ROR1: variants seen among roughly 807,000 people sequenced by gnomAD.
The protein encoded by ROR1 is ROR family WNT receptor 1.
A neutral mutation model predicts 78.8 loss-of-function variants in ROR1; 19 were observed. The observed-to-expected ratio is 0.24, with a 90% CI of 0.17 to 0.35. ROR1 has a LOEUF of 0.35. Among genes scored for constraint, ROR1 ranks in the 10% least tolerant of loss-of-function variants. The probability of loss-of-function intolerance (pLI) is 1.00; values close to 1 mark genes in which losing one functional copy is unlikely to be tolerated. For synonymous variants in ROR1, 386 were observed against 433.6 expected, an observed-to-expected ratio of 0.89 and a Z score of 1.36; for missense variants, 917 against 1,177.8, an observed-to-expected ratio of 0.78 and a Z score of 3.24.
chr1:63,982,873 A>G (rs1349608325), intron 1 of ROR1, among the ~76,000 whole-genome samples: 1 of 152,148 alleles, frequency 6.6e-6, no homozygotes, highest in African/African-American at 2.4e-5. Context: ...AACCTGGAAA[A>G]TAATTTAATC....
intron 1 of ROR1, among the ~76,000 whole-genome samples, chr1:63,781,341 T>C (rs1457097039): frequency 6.6e-6 from 1 of 152,222 alleles, no homozygotes; most frequent in Non-Finnish European, 1.5e-5. Flanking sequence ...GAGTTTGGAC[T>C]TCTGATCCTA....
chr1:64,138,339 A>T (rs1179256564), intron 5 of ROR1, among the ~76,000 whole-genome samples: 1 of 152,228 alleles, frequency 6.6e-6, no homozygotes, highest in Non-Finnish European at 1.5e-5. Context: ...ATAATTTTTT[A>T]GTATAAGTAT....
intron 1 of ROR1, among the ~76,000 whole-genome samples, chr1:63,852,497 T>G (rs1479122654): frequency 6.6e-6 from 1 of 152,226 alleles, no homozygotes; most frequent in African/African-American, 2.4e-5. Context: ...TTGGAAAAGC[T>G]CAGAGAGGTG....
chr1:64,024,138 T>C (rs1646588792), intron 2 of ROR1, among the ~76,000 whole-genome samples: 1 of 152,236 alleles, frequency 6.6e-6, no homozygotes, highest in Non-Finnish European at 1.5e-5. Context: ...CTTTTCTTTA[T>C]AAATTATCCA....
At chr1:64,128,752 A>T (rs1409297249) in intron 4 of ROR1, among the ~76,000 whole-genome samples, 1 of 152,162 alleles carries the variant, frequency 6.6e-6, no homozygotes, top group Non-Finnish European at 1.5e-5. Context: ...ATCAATACAG[A>T]GTATGCCTGA....
intron 2 of ROR1, among the ~76,000 whole-genome samples, chr1:64,032,064 C>T (rs910334989): frequency 4.6e-5 from 7 of 151,958 alleles, no homozygotes; most frequent in Admixed American, 3.3e-4. Flanking sequence ...AAAATATGGC[C>T]GGGCGCGGTG....
intron 1 of ROR1, among the ~76,000 whole-genome samples, chr1:63,924,889 A>C (rs1057505701): frequency 6.9e-6 from 1 of 144,380 alleles, no homozygotes; most frequent in Admixed American, 6.9e-5. Context: ...TCAGCCCTTG[A>C]GAACGGTGGA....
chr1:63,817,949 T>C (rs1644902199), intron 1 of ROR1, among the ~76,000 whole-genome samples: 1 of 152,172 alleles, frequency 6.6e-6, no homozygotes, highest in Non-Finnish European at 1.5e-5. Context: ...CGGAACCCAC[T>C]GTAGTAACTG....
intron 7 of ROR1, among the ~76,000 whole-genome samples, chr1:64,157,341 G>T (rs1649803581): frequency 6.6e-6 from 1 of 152,026 alleles, no homozygotes; most frequent in Non-Finnish European, 1.5e-5. Flanking sequence ...GTTTCGCCAT[G>T]TTGCCTAGGC....
chr1:64,058,146 T>C (rs1646889653), intron 4 of ROR1, among the ~76,000 whole-genome samples: 1 of 152,200 alleles, frequency 6.6e-6, no homozygotes. Context: ...TGCTACTACA[T>C]AGAGATACAA....
chr1:63,853,216 A>G (rs547941078), intron 1 of ROR1, among the ~76,000 whole-genome samples: 3 of 151,972 alleles, frequency 2.0e-5, no homozygotes, highest in African/African-American at 7.2e-5. Context: ...TGTTTTTTGA[A>G]CTCCTGTGGT....
chr1:64,084,136 A>G (rs1490001904), intron 4 of ROR1, among the ~76,000 whole-genome samples: 2 of 152,254 alleles, frequency 1.3e-5, no homozygotes, highest in Admixed American at 6.5e-5. Flanking sequence ...TAGAAAAGGA[A>G]CTAGTATATA....
intron 8 of ROR1, among the ~76,000 whole-genome samples, chr1:64,162,501 G>A (rs546621156): frequency 6.6e-5 from 10 of 152,326 alleles, no homozygotes; most frequent in African/African-American, 2.2e-4. Flanking sequence ...CAGTGGACCA[G>A]AGAGGCACCT....
At position 63,994,327 on chromosome 1, in the gene ROR1, C is replaced by G. The variant is rs896902349; in HGVS notation, c.92-14978C>G. On this transcript the variant is annotated intron_variant, in intron 1 of 8. Transcript: ENST00000371079. ...TTTGATATTAATAACCCATTTATGCCTAAGTAGCAATTTTTTGAATTTTTG... is the reference window on the plus strand; with the variant it reads ...TTTGATATTAATAACCCATTTATGCGTAAGTAGCAATTTTTTGAATTTTTG... Among the ~76,000 whole-genome samples the G allele has an allele frequency of 3.3e-5, 5 of 152,032 alleles. No individual in the cohort carries two copies. In the South Asian group the frequency reaches 6.2e-4, roughly 19 times the overall value.
At chr1:63,958,543 G>A (rs1646002258) in intron 1 of ROR1, among the ~76,000 whole-genome samples, 1 of 152,190 alleles carries the variant, frequency 6.6e-6, no homozygotes, top group South Asian at 2.1e-4. Flanking sequence ...GGAAGGGAAG[G>A]AGGGTCAAAT....
chr1:64,129,082 G>A lies in ROR1; in HGVS notation c.483-8287G>A, dbSNP rs1489839508. On this transcript the variant is annotated intron_variant, in intron 4 of 8. Coordinates refer to ENST00000371079, the MANE Select transcript of ROR1 (RefSeq NM_005012.4). ...GGTGGGTGCTGGAGTTGAGGGTACA[G>A]AGAGGCATTAAACTCACCATTGCTT... 4.6e-5 allele frequency among the ~76,000 whole-genome samples: 7 copies of A among 152,318 alleles called. No homozygotes were observed. The East Asian group carries it at 1.4e-3, about 29-fold the overall frequency.
chr1:64,060,151 G>A (rs189081977), intron 4 of ROR1, among the ~76,000 whole-genome samples: 1 of 151,914 alleles, frequency 6.6e-6, no homozygotes, highest in Admixed American at 6.6e-5. Context: ...TGCAGAATCA[G>A]TCTATAAAAA....
At chr1:64,029,931 T>G (rs1474761484) in intron 2 of ROR1, among the ~76,000 whole-genome samples, 1 of 152,188 alleles carries the variant, frequency 6.6e-6, no homozygotes, top group Non-Finnish European at 1.5e-5. Flanking sequence ...TTAAAATCTT[T>G]CCAATTATTC....
intron 4 of ROR1, among the ~76,000 whole-genome samples, chr1:64,104,694 G>A (rs542456509): frequency 6.6e-6 from 1 of 152,102 alleles, no homozygotes; most frequent in South Asian, 2.1e-4. Context: ...TGCCACTTAT[G>A]AGTGAGAACA....
Sources: gnomAD v4.1 joint callset for allele counts (sites outside exome capture counted in the v4.1 genomes callset) on GRCh38, gnomAD v4.1.1 for gene constraint, MANE v1.5 for transcripts, NCBI Gene and HGNC (gene_info 2026-07-23, HGNC 2026-07-21) for gene names.